Variants in DCP1A observed in about 807,000 individuals in gnomAD.
The protein encoded by DCP1A is decapping mRNA 1A, also known as mRNA-decapping enzyme 1A.
DCP1A carries 20 observed loss-of-function variants against 58.0 expected under a neutral mutation model. The ratio of observed to expected loss-of-function variants is 0.34; its 90% confidence interval spans 0.24 to 0.50. The LOEUF (loss-of-function observed/expected upper bound fraction) is 0.50. DCP1A is among the 20% of genes least tolerant of loss of function. The probability of loss-of-function intolerance (pLI) is 0.98; values close to 1 mark genes in which losing one functional copy is unlikely to be tolerated. For missense variants in DCP1A, 613 were observed against 712.2 expected, an observed-to-expected ratio of 0.86 and a Z score of 1.59; for synonymous variants, 285 against 275.1, an observed-to-expected ratio of 1.04 and a Z score of -0.36.
intron 4 of DCP1A, among the ~76,000 whole-genome samples, chr3:53,316,838 C>CCAATGCT (rs1399586077): frequency 7.9e-5 from 12 of 152,196 alleles, no homozygotes; most frequent in African/African-American, 2.4e-4. Flanking sequence ...GAAAGAAGCC[C>CCAATGCT]CAATGCTCTT....
At chr3:53,341,125 A>T (rs1433116012) in intron 3 of DCP1A, among the ~76,000 whole-genome samples, 14 of 144,852 alleles carry the variant, frequency 9.7e-5, no homozygotes, top group East Asian at 4.0e-4. Context: ...TAAATATCTT[A>T]AAAAAAAAAA....
intron 6 of DCP1A, among the ~76,000 whole-genome samples, chr3:53,299,952 C>G (rs1707258736): frequency 6.6e-6 from 1 of 152,194 alleles, no homozygotes; most frequent in Non-Finnish European, 1.5e-5. Flanking sequence ...ACTGCAACCT[C>G]CCCCTCCTGG....
chr3:53,288,381 G>T, intron 8 of DCP1A, 98 bp from the exon 9 acceptor site: 1 of 864,948 alleles, frequency 1.2e-6, no homozygotes, highest in Non-Finnish European at 1.8e-6. Flanking sequence ...CAGCAGAAGA[G>T]TGGAGCACAG....
intron 3 of DCP1A, among the ~76,000 whole-genome samples, chr3:53,336,688 T>C (rs1368998288): frequency 2.0e-5 from 3 of 152,090 alleles, no homozygotes; most frequent in South Asian, 2.1e-4. Context: ...CCAGATGCCG[T>C]AGAGTAATCA....
At chr3:53,333,633 A>C (rs1553691583) in intron 3 of DCP1A, among the ~76,000 whole-genome samples, 1 of 151,348 alleles carries the variant, frequency 6.6e-6, no homozygotes, top group African/African-American at 2.4e-5. Context: ...CAAAACCCTA[A>C]CTCTTAAAAA....
At chr3:53,304,884 G>A (rs1707424206) in intron 5 of DCP1A, among the ~76,000 whole-genome samples, 1 of 151,876 alleles carries the variant, frequency 6.6e-6, no homozygotes, top group African/African-American at 2.4e-5. Context: ...TGCCCAGCCT[G>A]ATTTTATTTT....
intron 3 of DCP1A, among the ~76,000 whole-genome samples, chr3:53,323,120 G>A (rs917139495): frequency 6.6e-6 from 1 of 152,146 alleles, no homozygotes; most frequent in Non-Finnish European, 1.5e-5. Flanking sequence ...CACCGCGCCC[G>A]GCCGAGTTTC....
At chr3:53,288,463 T>G in intron 8 of DCP1A, 180 bp from the exon 9 acceptor site, 1 of 597,498 alleles carries the variant, frequency 1.7e-6, no homozygotes, top group Non-Finnish European at 3.0e-6. Flanking sequence ...GTTATAAACT[T>G]CCATTAGCTA....
intron 4 of DCP1A, 25 bp downstream of exon 4, chr3:53,319,382 T>A: frequency 7.0e-7 from 1 of 1,434,954 alleles, no homozygotes; most frequent in Non-Finnish European, 9.5e-7. Context: ...TATCATCAGT[T>A]AAATTTATGG....
intron 5 of DCP1A, among the ~76,000 whole-genome samples, 166 bp downstream of exon 5, chr3:53,312,075 C>T (rs71301823): frequency 6.6e-6 from 1 of 152,048 alleles, no homozygotes; most frequent in Non-Finnish European, 1.5e-5. Context: ...CTCAGCCTGC[C>T]AAGTAGCTGG....
At chr3:53,337,754 G>C (rs552536820) in intron 3 of DCP1A, among the ~76,000 whole-genome samples, 18 of 152,338 alleles carry the variant, frequency 1.2e-4, no homozygotes, top group African/African-American at 4.1e-4. Flanking sequence ...ATTCAGGTAT[G>C]GCACAACAAA....
At chr3:53,310,958 T>C (rs1575604450) in intron 5 of DCP1A, among the ~76,000 whole-genome samples, 3 of 152,196 alleles carry the variant, frequency 2.0e-5, no homozygotes, top group Admixed American at 1.3e-4. Flanking sequence ...AATTCTTGAG[T>C]TGTTAAAGGG....
At chr3:53,293,104 G>A (rs1553686403) in intron 6 of DCP1A, among the ~76,000 whole-genome samples, 3 of 152,136 alleles carry the variant, frequency 2.0e-5, no homozygotes, top group African/African-American at 7.2e-5. Flanking sequence ...TGGCAAAGCT[G>A]ACTGTGCCCA....
chr3:53,340,422 T>G (rs781882810), intron 3 of DCP1A, among the ~76,000 whole-genome samples: 2 of 152,188 alleles, frequency 1.3e-5, no homozygotes, highest in Non-Finnish European at 2.9e-5. Flanking sequence ...ATAGAACCTA[T>G]TTCACTTATA....
chr3:53,341,255 C>G (rs566795559), intron 3 of DCP1A, among the ~76,000 whole-genome samples: 7 of 151,766 alleles, frequency 4.6e-5, no homozygotes, highest in African/African-American at 1.7e-4. Context: ...GAGATCAAGA[C>G]CATCCTGGCT....
At chr3:53,307,269 T>C (rs148302283) in intron 5 of DCP1A, among the ~76,000 whole-genome samples, 9 of 152,228 alleles carry the variant, frequency 5.9e-5, no homozygotes, top group Admixed American at 2.0e-4. Context: ...CTTAAACTCC[T>C]GGACTCAAGC....
At chr3:53,345,086 TCTC>T in intron 1 of DCP1A, 144 bp from the exon 2 acceptor site, 1 of 635,510 alleles carries the variant, frequency 1.6e-6, no homozygotes, top group South Asian at 2.1e-5. Flanking sequence ...ACAGGTAAAG[TCTC>T]CCTCTCATTC....
At chr3:53,310,758 G>C (rs940410784) in intron 5 of DCP1A, among the ~76,000 whole-genome samples, 3 of 152,134 alleles carry the variant, frequency 2.0e-5, no homozygotes, top group Non-Finnish European at 4.4e-5. Context: ...TTCTCTGTGA[G>C]ACATTGAAGA....
chr3:53,312,018 A>G (rs1707659882), intron 5 of DCP1A, among the ~76,000 whole-genome samples: 1 of 151,828 alleles, frequency 6.6e-6, no homozygotes, highest in African/African-American at 2.4e-5. Flanking sequence ...TGGCACAATC[A>G]TAGCCCACTG....
Sources: allele counts gnomAD v4.1 joint callset (sites outside exome capture counted in the v4.1 genomes callset), GRCh38; gene constraint gnomAD v4.1.1; transcripts MANE v1.5; gene names NCBI Gene and HGNC (gene_info 2026-07-23, HGNC 2026-07-21).